Variants in GNAO1 observed in about 807,000 individuals in gnomAD.
GNAO1 encodes G protein subunit alpha o1, also known as guanine nucleotide-binding protein G(o) subunit alpha.
For missense variants in GNAO1, 166 were observed against 478.7 expected (o/e 0.35, Z 6.10); for synonymous variants, 164 against 180.7 (o/e 0.91, Z 0.74).
intron 2 of GNAO1, among the ~76,000 whole-genome samples, chr16:56,252,982 G>A (rs1363908925): frequency 2.6e-5 from 4 of 152,222 alleles, no homozygotes; most frequent in African/African-American, 4.8e-5. Context: ...GGAACTTTGG[G>A]CTGATGCACT....
intron 3 of GNAO1, among the ~76,000 whole-genome samples, chr16:56,323,531 T>C (rs1423287901): frequency 6.6e-6 from 1 of 152,026 alleles, no homozygotes; most frequent in African/African-American, 2.4e-5. Context: ...TTCCAGGCAT[T>C]AGGAAAGAGG....
At chr16:56,347,286 C>T (rs561597026) in intron 6 of GNAO1, 6 of 985,250 alleles carry the variant, frequency 6.1e-6, no homozygotes, top group Non-Finnish European at 3.6e-6. Context: ...TCCAGCTCCG[C>T]GGCCACCAGA....
At chr16:56,207,519 A>G (rs2036341367) in intron 2 of GNAO1, among the ~76,000 whole-genome samples, 2 of 152,322 alleles carry the variant, frequency 1.3e-5, no homozygotes, top group East Asian at 3.9e-4. Context: ...TCTTTCCATC[A>G]CACCACTCAG....
rs11076147 is a variant in GNAO1, at chr16:56,247,422, G to A, written c.162-28509G>A. On this transcript the variant is annotated intron_variant, in intron 2 of 8. Transcript: ENST00000262493. Reference sequence around the variant, plus strand: ...CTTCTCTGAGCCCCTTTAAAACATAGGTGGTTTTGCTTTTCTCTTGCAGTG... The same window carrying A: ...CTTCTCTGAGCCCCTTTAAAACATAAGTGGTTTTGCTTTTCTCTTGCAGTG... Among the ~76,000 whole-genome samples the A allele has an allele frequency of 2.6e-5, 4 of 151,790 alleles. No individual in the cohort carries two copies. In the South Asian group the frequency reaches 6.3e-4, roughly 24 times the overall value.
intron 3 of GNAO1, among the ~76,000 whole-genome samples, chr16:56,289,971 A>G (rs1293875216): frequency 6.6e-6 from 1 of 152,190 alleles, no homozygotes; most frequent in Non-Finnish European, 1.5e-5. Flanking sequence ...TTAAAAATGC[A>G]TATCTAATCC....
chr16:56,210,842 T>C (rs2036379673), intron 2 of GNAO1, among the ~76,000 whole-genome samples: 1 of 152,240 alleles, frequency 6.6e-6, no homozygotes, highest in Non-Finnish European at 1.5e-5. Flanking sequence ...CTTTTGCAAA[T>C]ATTTTCTCCT....
chr16:56,329,687 A>G (rs1363780454), intron 4 of GNAO1, among the ~76,000 whole-genome samples: 1 of 152,214 alleles, frequency 6.6e-6, no homozygotes, highest in Non-Finnish European at 1.5e-5. Flanking sequence ...CCATACATTC[A>G]GTGGGGGCTT....
intron 2 of GNAO1, among the ~76,000 whole-genome samples, chr16:56,221,420 T>G (rs1043472364): frequency 4.0e-5 from 6 of 151,880 alleles, no homozygotes; most frequent in African/African-American, 7.3e-5. Context: ...GAAGCCAAAG[T>G]GGGTGGATCC....
Position 56,275,985 on chromosome 16 carries a change from T to G in GNAO1, c.216T>G (p.Val72=). Residue 72 remains valine (V), a synonymous_variant, in exon 3 of 9, where the codon GTT becomes GTG. Transcript: ENST00000262493. ...SGEDVKQYKP[V]VYSNTIQSLA... ...AAGACGTGAAACAGTACAAGCCTGTTGTCTACAGCAACACTATCCAGTCCC... is the reference window on the plus strand; with the variant it reads ...AAGACGTGAAACAGTACAAGCCTGTGGTCTACAGCAACACTATCCAGTCCC... The G allele has an allele frequency of 6.2e-7, 1 of 1,614,060 alleles. No homozygotes were observed. Among genetic ancestry groups the G allele is most frequent in the South Asian group, 1.1e-5 (1 of 91,072 alleles).
At chr16:56,310,072 G>A (rs1443227667) in intron 3 of GNAO1, among the ~76,000 whole-genome samples, 2 of 152,060 alleles carry the variant, frequency 1.3e-5, no homozygotes, top group East Asian at 3.9e-4. Context: ...AGTGCTTTGG[G>A]AGGCCAAGGC....
chr16:56,232,843 A>G (rs554701480), intron 2 of GNAO1, among the ~76,000 whole-genome samples: 8 of 152,368 alleles, frequency 5.3e-5, no homozygotes, highest in African/African-American at 1.9e-4. Flanking sequence ...AAGACAAAAG[A>G]CAGCTTCACG....
At chr16:56,257,009 C>T (rs1268405829) in intron 2 of GNAO1, among the ~76,000 whole-genome samples, 1 of 152,136 alleles carries the variant, frequency 6.6e-6, no homozygotes, top group Non-Finnish European at 1.5e-5. Flanking sequence ...TCTTTTAGTT[C>T]TTCTAATTAT....
intron 3 of GNAO1, among the ~76,000 whole-genome samples, chr16:56,323,784 T>C (rs1349313686): frequency 6.6e-6 from 1 of 151,966 alleles, no homozygotes; most frequent in Non-Finnish European, 1.5e-5. Context: ...TCTCCTTCTG[T>C]GTGGGGAGCA....
At chr16:56,294,341 T>TAAAA (rs377121608) in intron 3 of GNAO1, among the ~76,000 whole-genome samples, 4 of 133,624 alleles carry the variant, frequency 3.0e-5, no homozygotes, top group African/African-American at 2.8e-5. Context: ...GGCTTTGCTT[T>TAAAA]AAAAAAAAAA....
At chr16:56,268,170 T>C (rs2036977530) in intron 2 of GNAO1, among the ~76,000 whole-genome samples, 1 of 152,196 alleles carries the variant, frequency 6.6e-6, no homozygotes, top group Admixed American at 6.5e-5. Context: ...AAAATGACTA[T>C]TTCTGTGTGG....
intron 3 of GNAO1, among the ~76,000 whole-genome samples, chr16:56,298,825 G>A (rs533968746): frequency 1.3e-5 from 2 of 151,174 alleles, no homozygotes; most frequent in South Asian, 4.2e-4. Flanking sequence ...TGAGGCAGGA[G>A]AATGGTGTGA....
chr16:56,220,517 T>C (rs137974433), intron 2 of GNAO1, among the ~76,000 whole-genome samples: 1,782 of 152,280 alleles, frequency 0.012, 34 homozygotes, highest in African/African-American at 0.04. Flanking sequence ...TATGAGAAAC[T>C]GATGGAAACT....
intron 3 of GNAO1, among the ~76,000 whole-genome samples, chr16:56,278,894 C>CT (rs1175616135): frequency 2.6e-5 from 4 of 152,186 alleles, no homozygotes; most frequent in African/African-American, 9.7e-5. Flanking sequence ...TCCAGATGCC[C>CT]TGAGCCCAGT....
At position 56,356,566 on chromosome 16, in the gene GNAO1, C is replaced by CCGGG. The variant is rs1319211508; in HGVS notation, c.*494_*495insGGCG. On this transcript the variant is annotated 3_prime_UTR_variant, in exon 9 of 9. Coordinates refer to ENST00000262493, the MANE Select transcript of GNAO1 (RefSeq NM_020988.3). ...CACTGCAAACCCTGCTGCCTGCCGG[C>CCGGG]CGCCCAGACACCACAGACGCCACCT... 1 of 152,802 alleles carries CCGGG rather than the reference C, an allele frequency of 6.5e-6. No individual in the cohort carries two copies. Among genetic ancestry groups the CCGGG allele is most frequent in the Non-Finnish European group, 1.5e-5 (1 of 68,230 alleles). The allele number at this position is 152,802 out of a possible 1,614,324, so 9.5% of individuals were successfully genotyped here.
Sources: allele counts gnomAD v4.1 joint callset (sites outside exome capture counted in the v4.1 genomes callset), GRCh38; gene constraint gnomAD v4.1.1; transcripts MANE v1.5; gene names NCBI Gene and HGNC (gene_info 2026-07-23, HGNC 2026-07-21).